Variants in AOAH observed in about 807,000 individuals in gnomAD.
AOAH encodes acyloxyacyl hydrolase (neutrophil).
Under a neutral mutation model 92.2 loss-of-function variants are expected in AOAH, and 64 were observed. The ratio of observed to expected loss-of-function variants is 0.69; its 90% CI spans 0.57 to 0.86. AOAH has a LOEUF of 0.86. Among genes scored for constraint, AOAH ranks in the 40% least tolerant of loss-of-function variants. The pLI is 0.00. For synonymous variants in AOAH, 263 were observed against 254.5 expected (o/e 1.03, Z -0.32); for missense variants, 656 against 694.6 (o/e 0.94, Z 0.62).
intron 15 of AOAH, among the ~76,000 whole-genome samples, chr7:36,544,178 C>T (rs1022678844): frequency 6.6e-6 from 1 of 152,016 alleles, no homozygotes; most frequent in Middle Eastern, 3.2e-3. Flanking sequence ...ATCTCTTGAC[C>T]TCGTGATCTG....
In AOAH at chr7:36,654,319, TTTC is replaced by T. The variant is rs1248601377; in HGVS notation, c.390+4844_390+4846del. ...CTTCCTCCTTTTCTCCTCTCTCCTT[TTTC>T]TTCTTCTTCTTGTACCAGTGGGACA... is the stretch of plus-strand genomic sequence containing the variant. On this transcript the variant is annotated intron_variant, in intron 4 of 20. Transcript: ENST00000617537. Among the ~76,000 whole-genome samples the T allele has an allele frequency of 4.6e-5, 7 of 152,266 alleles. No homozygotes were observed. The East Asian group carries it at 5.8e-4, about 13-fold the overall frequency.
chr7:36,547,907 G>A (rs1785912527), intron 15 of AOAH, among the ~76,000 whole-genome samples: 1 of 152,168 alleles, frequency 6.6e-6, no homozygotes, highest in Non-Finnish European at 1.5e-5. Flanking sequence ...CTGTAGGTCT[G>A]TGCGTCTAAG....
At chr7:36,589,552 C>T (rs1231856875) in intron 12 of AOAH, among the ~76,000 whole-genome samples, 3 of 152,144 alleles carry the variant, frequency 2.0e-5, no homozygotes, top group East Asian at 3.9e-4. Context: ...AACCAAGTAG[C>T]GTCATAAAGT....
rs537519315 is a variant in AOAH at position 36,567,345 on chromosome 7, T to G, written c.1021+9229A>C. ...ATGGGTGAGAGCAAGGCCTTTAGTA[T>G]GAGACAGACAGGGCTTAAGGTATAC... On this transcript the variant is annotated intron_variant, in intron 13 of 20. Coordinates refer to ENST00000617537, the MANE Select transcript of AOAH (RefSeq NM_001637.4). Among the ~76,000 whole-genome samples the G allele has an allele frequency of 2.0e-5, 3 of 152,272 alleles. No homozygotes were observed. The East Asian group carries it at 5.8e-4, about 29-fold the overall frequency.
intron 13 of AOAH, among the ~76,000 whole-genome samples, chr7:36,567,871 G>A (rs564174393): frequency 1.3e-5 from 2 of 152,278 alleles, no homozygotes; most frequent in African/African-American, 2.4e-5. Context: ...TCCCAGAGGC[G>A]GCATCTCTCC....
chr7:36,716,898 C>T (rs1345859918), intron 1 of AOAH, among the ~76,000 whole-genome samples: 1 of 151,778 alleles, frequency 6.6e-6, no homozygotes, highest in East Asian at 1.9e-4. Context: ...GGGTGCGGCA[C>T]ACCAACATGG....
intron 4 of AOAH, among the ~76,000 whole-genome samples, chr7:36,656,223 G>A (rs531025486): frequency 8.5e-5 from 13 of 152,274 alleles, no homozygotes; most frequent in South Asian, 2.1e-4. Flanking sequence ...AAATGATGCT[G>A]TTCACCCAAC....
In AOAH at chr7:36,724,013, T is replaced by C. The variant is rs757946002; in HGVS notation, c.127+9A>G. On this transcript the variant is annotated intron_variant, in intron 1 of 20. Transcript: ENST00000617537. The stretch of plus-strand genomic sequence containing the variant: ...TACATAGAAAATACAAAAATATTTA[T>C]TTGCATACCTACACAGGTGTGCCCA... 11 of 1,611,300 alleles carry C rather than the reference T, an allele frequency of 6.8e-6. No homozygotes were observed. In the Admixed American group the frequency reaches 1.7e-4, roughly 25 times the overall value.
chr7:36,703,974 G>A (rs1316058773), intron 1 of AOAH, among the ~76,000 whole-genome samples: 3 of 152,132 alleles, frequency 2.0e-5, no homozygotes, highest in African/African-American at 7.2e-5. Flanking sequence ...AGCATCGGTT[G>A]TTTCCTGACT....
At chr7:36,585,908 T>C (rs1789291363) in intron 12 of AOAH, among the ~76,000 whole-genome samples, 1 of 152,186 alleles carries the variant, frequency 6.6e-6, no homozygotes, top group Non-Finnish European at 1.5e-5. Flanking sequence ...AATGAAAATA[T>C]ATTCATATTT....
chr7:36,564,391 T>C (rs1787528820), intron 13 of AOAH, among the ~76,000 whole-genome samples: 1 of 152,214 alleles, frequency 6.6e-6, no homozygotes, highest in African/African-American at 2.4e-5. Flanking sequence ...GGGGGCTTTG[T>C]CTTTCTCATC....
At chr7:36,638,936 C>T (rs1254663799) in intron 4 of AOAH, among the ~76,000 whole-genome samples, 6 of 152,210 alleles carry the variant, frequency 3.9e-5, no homozygotes, top group Non-Finnish European at 8.8e-5. Context: ...CTTGCTCTGA[C>T]CACCCAGCCT....
intron 20 of AOAH, chr7:36,514,513 T>C (rs1790225962): frequency 6.5e-7 from 1 of 1,535,990 alleles, no homozygotes; most frequent in Non-Finnish European, 8.7e-7. Context: ...CCTTTATCCA[T>C]GATGTTAGCT....
intron 13 of AOAH, among the ~76,000 whole-genome samples, chr7:36,567,721 G>A (rs1043945784): frequency 3.9e-5 from 6 of 152,174 alleles, no homozygotes; most frequent in East Asian, 1.9e-4. Context: ...AGTAAGGCCC[G>A]AATAGTGGTG....
At chr7:36,692,036 CAA>C (rs1562702381) in intron 1 of AOAH, among the ~76,000 whole-genome samples, 1 of 152,132 alleles carries the variant, frequency 6.6e-6, no homozygotes, top group Non-Finnish European at 1.5e-5. Flanking sequence ...CCCAGGAGAC[CAA>C]CTGAAGAATT....
intron 20 of AOAH, chr7:36,514,731 C>T (rs1393311851): frequency 9.3e-6 from 6 of 642,512 alleles, no homozygotes; most frequent in Admixed American, 5.1e-5. Flanking sequence ...ATACATTGTT[C>T]GGGAAGGATG....
chr7:36,555,442 T>C (rs1248852813), intron 13 of AOAH, among the ~76,000 whole-genome samples: 1 of 152,198 alleles, frequency 6.6e-6, no homozygotes, highest in Non-Finnish European at 1.5e-5. Context: ...TGGTCTAAAA[T>C]TCTCTTTTTT....
intron 13 of AOAH, among the ~76,000 whole-genome samples, chr7:36,563,784 A>G (rs759631463): frequency 3.9e-5 from 6 of 152,232 alleles, no homozygotes; most frequent in Admixed American, 6.5e-5. Flanking sequence ...TGTACAATCC[A>G]TTAAAAAAAT....
At chr7:36,567,546 T>C (rs1414834835) in intron 13 of AOAH, among the ~76,000 whole-genome samples, 1 of 152,174 alleles carries the variant, frequency 6.6e-6, no homozygotes, top group East Asian at 1.9e-4. Context: ...ATAAAAGTAA[T>C]AATAGCAACC....
Sources: gnomAD v4.1 joint callset for allele counts (sites outside exome capture counted in the v4.1 genomes callset) on GRCh38, gnomAD v4.1.1 for gene constraint, MANE v1.5 for transcripts, NCBI Gene and HGNC (gene_info 2026-07-23, HGNC 2026-07-21) for gene names.